The following XKR6 variants were observed in gnomAD, a reference collection of about 807,000 sequenced individuals.
XKR6 encodes the protein XK-related protein 6.
In XKR6, 22 loss-of-function variants were observed where a neutral mutation model predicts 56.7. The ratio of observed to expected loss-of-function variants is 0.39; its 90% CI spans 0.28 to 0.55. The LOEUF (loss-of-function observed/expected upper bound fraction) is 0.55, where lower values mean the gene tolerates loss of function less well. Ranked by LOEUF, XKR6 falls within the 20% of genes least tolerant of loss-of-function variation. XKR6 has a pLI of 0.66. For missense variants in XKR6, 852 were observed against 889.0 expected, an observed-to-expected ratio of 0.96 and a Z score of 0.53; for synonymous variants, 524 against 387.8, an observed-to-expected ratio of 1.35 and a Z score of -4.13.
At chr8:10,971,188 G>T (rs767048219) in intron 1 of XKR6, among the ~76,000 whole-genome samples, 1 of 151,822 alleles carries the variant, frequency 6.6e-6, no homozygotes, top group Non-Finnish European at 1.5e-5. Context: ...TTGGGAGGCC[G>T]AGGTGGGCGG....
intron 1 of XKR6, among the ~76,000 whole-genome samples, chr8:11,074,810 A>C (rs557093753): frequency 6.6e-6 from 1 of 152,316 alleles, no homozygotes; most frequent in African/African-American, 2.4e-5. Context: ...ACTGTCGCTG[A>C]ATGAAGTTCT....
chr8:11,108,124 A>AC, intron 1 of XKR6: 1 of 347,364 alleles, frequency 2.9e-6, no homozygotes, highest in South Asian at 2.2e-5. Flanking sequence ...ACGCAAAGGG[A>AC]CCCGTGTGTT....
chr8:11,122,743 G>C (rs1409538876), intron 1 of XKR6, among the ~76,000 whole-genome samples: 1 of 152,132 alleles, frequency 6.6e-6, no homozygotes, highest in East Asian at 1.9e-4. Context: ...CAATCTGTTA[G>C]CATCTCATTT....
chr8:11,130,917 A>G lies in XKR6; in HGVS notation c.764+69659T>C, dbSNP rs192624523. On this transcript the variant is annotated intron_variant, in intron 1 of 2. Transcript: ENST00000416569. ...TTGCAGAGCAGCAAATGTGTCCCCA[A>G]ATAGTAGATTTTATAGTCAAACTAC... 5.3e-5 allele frequency among the ~76,000 whole-genome samples: 8 copies of G among 152,206 alleles called. No homozygotes were observed. In the East Asian group the frequency reaches 1.5e-3, roughly 29 times the overall value.
intron 1 of XKR6, among the ~76,000 whole-genome samples, chr8:11,179,468 G>A (rs1226709460): frequency 6.6e-6 from 1 of 152,066 alleles, no homozygotes; most frequent in Non-Finnish European, 1.5e-5. Context: ...TATTCTCAAG[G>A]TACTATCAGA....
chr8:11,088,079 A>G (rs530933308), intron 1 of XKR6, among the ~76,000 whole-genome samples: 1 of 152,368 alleles, frequency 6.6e-6, no homozygotes, highest in South Asian at 2.1e-4. Context: ...AGTAGCTTCA[A>G]GAATTCAGAT....
intron 1 of XKR6, among the ~76,000 whole-genome samples, chr8:11,015,192 G>A (rs1010118854): frequency 1.7e-5 from 2 of 116,784 alleles, no homozygotes; most frequent in Admixed American, 7.4e-5. Flanking sequence ...GCTGTGAGCT[G>A]CACTTTTTTT....
rs766132838 is a variant in XKR6 at position 11,200,712 on chromosome 8, C to T, written c.628G>A (p.Gly210Ser). 6.9e-6 allele frequency: 11 copies of T among 1,587,204 alleles called. No homozygotes were observed. The highest frequency in any genetic ancestry group is 8.5e-6 in the Non-Finnish European group (10 of 1,171,574). The change falls in exon 1 of 3, where the codon GGC (glycine) becomes AGC (serine). Residue 210 changes from glycine (G) to serine (S), a missense_variant. By Grantham distance (56) the Gly-to-Ser change is moderately conservative. This residue lies in a region of XKR6 where 417 missense variants were observed against 355.2 expected (regional missense o/e 1.17). Transcript: ENST00000416569. The surrounding 1 kb of genome is among the most constrained non-coding windows in gnomAD (Gnocchi z 6.4). ...CCGCGGGCCGCGCCGTGGACGTAGC[C>T]GGCCCCCATCATGGGGGGGCCCCGG... is the stretch of plus-strand genomic sequence containing the variant. ...TSRGPPMMGA[G>S]YVHGAARGGP... is the part of the protein sequence containing the mutation.
intron 1 of XKR6, among the ~76,000 whole-genome samples, chr8:10,975,217 G>A (rs527826345): frequency 7.9e-5 from 12 of 152,314 alleles, no homozygotes; most frequent in South Asian, 4.2e-4. Context: ...TGCAGCCAAC[G>A]ATCCCTTGGC....
intron 1 of XKR6, among the ~76,000 whole-genome samples, chr8:11,113,178 T>C (rs187380254): frequency 1.1e-4 from 16 of 152,314 alleles, no homozygotes; most frequent in Non-Finnish European, 1.9e-4. Context: ...TGCTGTTACA[T>C]GTAGTGAAAG....
intron 2 of XKR6, among the ~76,000 whole-genome samples, chr8:10,900,246 A>G (rs1194635379): frequency 1.3e-5 from 2 of 152,162 alleles, no homozygotes; most frequent in African/African-American, 4.8e-5. Context: ...CAAAGATCAG[A>G]TACAGAAGCC....
At chr8:11,059,271 G>A (rs1343134674) in intron 1 of XKR6, among the ~76,000 whole-genome samples, 1 of 151,812 alleles carries the variant, frequency 6.6e-6, no homozygotes. Context: ...GCGCGGTCCT[G>A]GCGCCTCAGA....
At chr8:11,196,286 C>A (rs542135507) in intron 1 of XKR6, among the ~76,000 whole-genome samples, 2 of 152,278 alleles carry the variant, frequency 1.3e-5, no homozygotes, top group South Asian at 4.1e-4. Context: ...AATTATTATA[C>A]CTTTCACACG....
chr8:10,912,306 G>GTATATATATA lies in XKR6; in HGVS notation c.961+12318_961+12327dup, dbSNP rs535084135. ...GTATATACATATATAAAGAGAGGGT[G>GTATATATATA]TATATATATATATATATATATATAT... On this transcript the variant is annotated intron_variant, in intron 2 of 2. Coordinates refer to ENST00000416569, the MANE Select transcript of XKR6 (RefSeq NM_173683.4). 7.2e-3 allele frequency among the ~76,000 whole-genome samples: 397 copies of GTATATATATA among 55,178 alleles called. 4 individuals are homozygous for GTATATATATA. Among genetic ancestry groups the GTATATATATA allele is most frequent in the East Asian group, 0.031 (16 of 520 alleles). 36.2% of individuals were successfully genotyped at this position (55,178 alleles called of 152,430 possible). A position where few individuals can be genotyped will look rare whatever the true frequency, so the allele number is the denominator to read the frequency against.
At chr8:10,968,719 G>A (rs143511691) in intron 1 of XKR6, among the ~76,000 whole-genome samples, 4 of 152,342 alleles carry the variant, frequency 2.6e-5, no homozygotes, top group Admixed American at 6.5e-5. Flanking sequence ...AGAAAGAGTT[G>A]GTGGAGTATA....
intron 1 of XKR6, among the ~76,000 whole-genome samples, chr8:10,973,201 T>C (rs1049294382): frequency 1.3e-5 from 2 of 152,236 alleles, no homozygotes; most frequent in Admixed American, 6.5e-5. Flanking sequence ...GCCCATGTTA[T>C]GAGCTGAGAA....
chr8:10,997,793 C>A (rs1414809692), intron 1 of XKR6, among the ~76,000 whole-genome samples: 1 of 152,084 alleles, frequency 6.6e-6, no homozygotes, highest in African/African-American at 2.4e-5. Context: ...GTCTCCCATC[C>A]CTCCCAGAGA....
intron 1 of XKR6, chr8:11,195,062 G>T (rs2117147040): frequency 1.4e-6 from 1 of 692,660 alleles, no homozygotes; most frequent in East Asian, 2.7e-5. Flanking sequence ...CCTGGAGGAA[G>T]TATCTCTGTC....
intron 1 of XKR6, among the ~76,000 whole-genome samples, chr8:11,069,175 G>T (rs1002950946): frequency 3.3e-5 from 5 of 151,772 alleles, no homozygotes; most frequent in African/African-American, 1.2e-4. Context: ...ATGGGATAAA[G>T]AGTAGAGGCC....
Sources: gnomAD v4.1 joint callset for allele counts (sites outside exome capture counted in the v4.1 genomes callset) on GRCh38, gnomAD v4.1.1 for gene constraint, gnomAD v4.1.1 regional missense constraint, Gnocchi (gnomAD v3.1) non-coding constraint, MANE v1.5 for transcripts, NCBI Gene and HGNC (gene_info 2026-07-23, HGNC 2026-07-21) for gene names.